The following ANK2 variants were observed in gnomAD, a reference collection of about 807,000 sequenced individuals.
ANK2 encodes the protein ankyrin-2.
A neutral mutation model predicts 360.5 loss-of-function variants in ANK2; 83 were observed. That is an observed-to-expected ratio of 0.23 (90% CI 0.19 to 0.28). ANK2 has a LOEUF of 0.28. ANK2 is among the 10% of genes least tolerant of loss of function. The pLI is 1.00. For missense variants in ANK2, 4,201 were observed against 4,795.7 expected (o/e 0.88, Z 3.66); for synonymous variants, 1,740 against 1,759.5 (o/e 0.99, Z 0.28).
At chr4:112,824,771 G>A (rs1192001769) in intron 1 of ANK2, among the ~76,000 whole-genome samples, 1 of 152,018 alleles carries the variant, frequency 6.6e-6, no homozygotes, top group Non-Finnish European at 1.5e-5. Flanking sequence ...CAAAGTGCTG[G>A]GATTATAGGT....
In ANK2 at chr4:113,203,686, GTC is replaced by G. The variant is rs1357545153; in HGVS notation, c.384+4581_384+4582del. Reference sequence around the variant, plus strand: ...GTAATAACATTGACTGCCAGGCATTGTCTCTAGTGTGTTGTGTACATTATCTC... The same window carrying G: ...GTAATAACATTGACTGCCAGGCATTGTCTAGTGTGTTGTGTACATTATCTC... On this transcript the variant is annotated intron_variant, in intron 4 of 45. Coordinates refer to ENST00000357077, the MANE Select transcript of ANK2 (RefSeq NM_001148.6). Among the ~76,000 whole-genome samples the G allele has an allele frequency of 6.6e-5, 10 of 152,214 alleles. No homozygotes were observed. In the South Asian group the frequency reaches 8.3e-4, roughly 13 times the overall value.
rs560511768 is a variant in ANK2 at position 113,212,561 on chromosome 4, C to T, written c.384+13452C>T. 3.3e-5 allele frequency among the ~76,000 whole-genome samples: 5 copies of T among 152,274 alleles called. No individual in the cohort carries two copies. The East Asian group carries it at 9.6e-4, about 29-fold the overall frequency. On this transcript the variant is annotated intron_variant, in intron 4 of 45. Coordinates refer to ENST00000357077, the MANE Select transcript of ANK2 (RefSeq NM_001148.6). ...GGCAGCATAGTGAAATGGATAAGAA[C>T]GCAAATTCTGAAGCTAGGTGGTCAA...
At chr4:113,370,778 T>G (rs2096710431) in intron 43 of ANK2, among the ~76,000 whole-genome samples, 1 of 151,978 alleles carries the variant, frequency 6.6e-6, no homozygotes, top group Non-Finnish European at 1.5e-5. Flanking sequence ...AAAAAGAAAT[T>G]GATCAACAAT....
chr4:112,924,635 A>T lies in ANK2; in HGVS notation c.21+20121A>T, dbSNP rs943462981. Among the ~76,000 whole-genome samples the T allele has an allele frequency of 1.2e-4, 18 of 151,940 alleles. No homozygotes were observed. In the East Asian group the frequency reaches 1.9e-3, roughly 16 times the overall value. ...AAAAGTAGCTTTTAAAGAAATTGTA[A>T]TGACAGGAAAAAAGTCCACTACCAA... is the stretch of plus-strand genomic sequence containing the variant. On this transcript the variant is annotated intron_variant, in intron 2 of 30. Coordinates refer to the ANK2 transcript ENST00000503271.
rs558916644 is a variant in ANK2, at chr4:113,028,669, G to A, written c.21+124155G>A. Reference sequence around the variant, plus strand: ...TAAAAGAGGCCCTTTTTTGGTTTAGGGGCTTAATTTATAAATTGACCTTGT... The same window carrying A: ...TAAAAGAGGCCCTTTTTTGGTTTAGAGGCTTAATTTATAAATTGACCTTGT... On this transcript the variant is annotated intron_variant, in intron 2 of 30. Transcript: ENST00000503271. Among the ~76,000 whole-genome samples the A allele has an allele frequency of 8.5e-5, 13 of 152,058 alleles. No homozygotes were observed. The South Asian group carries it at 2.7e-3, about 32-fold the overall frequency.
chr4:112,987,372 G>T (rs1308938439), intron 2 of ANK2, among the ~76,000 whole-genome samples: 1 of 152,210 alleles, frequency 6.6e-6, no homozygotes, highest in Admixed American at 6.5e-5. Context: ...GGAGACACGG[G>T]CAGGAGACAA....
intron 1 of ANK2, among the ~76,000 whole-genome samples, chr4:113,067,967 G>A (rs760515391): frequency 9.9e-5 from 15 of 152,154 alleles, no homozygotes; most frequent in Non-Finnish European, 1.9e-4. Flanking sequence ...TGTTCCCGGA[G>A]CCACTCAGTA....
intron 1 of ANK2, among the ~76,000 whole-genome samples, chr4:113,163,764 CAAAAAAAAAAAAA>C (rs1158530849): frequency 0.028 from 1,548 of 55,068 alleles, 56 homozygotes; most frequent in African/African-American, 0.082. Flanking sequence ...AACTTCGTCT[CAAAAAAAAAAAAA>C]AAAAAAAAAA....
At chr4:112,761,419 G>A in the ANK2 span, among the ~76,000 whole-genome samples, 1 of 152,042 alleles carries the variant, frequency 6.6e-6, no homozygotes, top group African/African-American at 2.4e-5. Context: ...AGGAGATCGA[G>A]ACCATCCTGG....
the ANK2 span, among the ~76,000 whole-genome samples, chr4:112,762,305 G>T: frequency 6.6e-6 from 1 of 152,170 alleles, no homozygotes; most frequent in Admixed American, 6.6e-5. Flanking sequence ...GGAAAAATTA[G>T]TAAGTTCAAA....
At chr4:113,092,888 C>G (rs934837245) in intron 1 of ANK2, among the ~76,000 whole-genome samples, 6 of 152,024 alleles carry the variant, frequency 3.9e-5, no homozygotes, top group African/African-American at 1.2e-4. Context: ...CTTTCAAAAT[C>G]TACTACACAG....
chr4:113,287,290 G>A (rs2065139483), intron 18 of ANK2, among the ~76,000 whole-genome samples: 1 of 152,160 alleles, frequency 6.6e-6, no homozygotes, highest in Admixed American at 6.6e-5. Context: ...ACATCCAGAT[G>A]GATTTGAAAT....
chr4:112,957,688 G>GA, intron 2 of ANK2, among the ~76,000 whole-genome samples: 1 of 149,584 alleles, frequency 6.7e-6, no homozygotes, highest in East Asian at 2.0e-4. Context: ...TGGCTGGGCG[G>GA]GGGGCTGACC....
the ANK2 span, among the ~76,000 whole-genome samples, chr4:112,722,171 T>G: frequency 6.6e-6 from 1 of 152,218 alleles, no homozygotes; most frequent in African/African-American, 2.4e-5. Context: ...CAAGATAGTT[T>G]GCAATTTATC....
intron 1 of ANK2, among the ~76,000 whole-genome samples, chr4:112,868,849 A>G (rs997909199): frequency 5.9e-5 from 9 of 152,124 alleles, no homozygotes; most frequent in Admixed American, 2.6e-4. Flanking sequence ...AACTATTTGT[A>G]TTTTTATTAT....
chr4:112,814,139 C>T (rs889205885), upstream of ANK2, among the ~76,000 whole-genome samples: 1 of 152,210 alleles, frequency 6.6e-6, no homozygotes, highest in African/African-American at 2.4e-5. Context: ...GAGCTGTAGT[C>T]TTTGGGCAGG....
chr4:113,213,134 A>G (rs2099044426), intron 4 of ANK2, among the ~76,000 whole-genome samples: 1 of 152,264 alleles, frequency 6.6e-6, no homozygotes, highest in Non-Finnish European at 1.5e-5. Flanking sequence ...AGTCCAACTA[A>G]CAAAATGTGT....
At chr4:112,995,805 C>A (rs565588413) in intron 2 of ANK2, among the ~76,000 whole-genome samples, 2 of 152,090 alleles carry the variant, frequency 1.3e-5, no homozygotes, top group African/African-American at 4.8e-5. Flanking sequence ...TTCTTTCTAG[C>A]GGACATCAGG....
In ANK2 at chr4:113,382,612, T is replaced by C. The variant is rs767997394; in HGVS notation, c.*1141T>C. ...CATAAAAGGTTAAACTCCTTCAGTA[T>C]GTTGGAGTGGTTTCTTTTTTTTTTT... is the stretch of plus-strand genomic sequence containing the variant. On this transcript the variant is annotated 3_prime_UTR_variant, in exon 46 of 46. Transcript: ENST00000357077. The C allele has an allele frequency of 6.6e-6, 1 of 152,642 alleles. No homozygotes were observed. The highest frequency in any genetic ancestry group is 1.5e-5 in the Non-Finnish European group (1 of 68,040). 9.5% of individuals were successfully genotyped at this position (152,642 alleles called of 1,614,324 possible). A position where few individuals can be genotyped will look rare whatever the true frequency, so the allele number is the denominator to read the frequency against.
Sources: gnomAD v4.1 joint callset for allele counts (sites outside exome capture counted in the v4.1 genomes callset) on GRCh38, gnomAD v4.1.1 for gene constraint, MANE v1.5 for transcripts, NCBI Gene and HGNC (gene_info 2026-07-23, HGNC 2026-07-21) for gene names.